The following HELB variants were observed in gnomAD, a reference collection of about 807,000 sequenced individuals.
HELB encodes the protein DNA helicase B.
Under a neutral mutation model 101.7 loss-of-function variants are expected in HELB, and 96 were observed. That is an observed-to-expected ratio of 0.94 (90% CI 0.80 to 1.12). The LOEUF is 1.12. Ranked by LOEUF, HELB falls within the 50% of genes most tolerant of loss-of-function variation. The pLI, the probability that HELB is intolerant of heterozygous loss-of-function variation, is 0.00. For missense variants in HELB, 1,210 were observed against 1,291.9 expected, an observed-to-expected ratio of 0.94 and a Z score of 0.97; for synonymous variants, 437 against 459.7, an observed-to-expected ratio of 0.95 and a Z score of 0.63.
intron 10 of HELB, 21 bp from the exon 11 acceptor site, chr12:66,324,962 A>G (rs1201514804): frequency 3.1e-6 from 5 of 1,611,674 alleles, no homozygotes; most frequent in Middle Eastern, 1.7e-4. Flanking sequence ...TATGCAAAAT[A>G]GTTCTTTGGT....
At chr12:66,318,561 G>A (rs2053635479) in intron 6 of HELB, 77 bp from the exon 7 acceptor site, 1 of 1,278,344 alleles carries the variant, frequency 7.8e-7, no homozygotes. Flanking sequence ...TTATTATAAG[G>A]ACATTAGCTC....
At chr12:66,342,488 C>G (rs2053925115), downstream of HELB, 1 of 151,946 alleles carries the variant, frequency 6.6e-6, no homozygotes, top group Non-Finnish European at 1.5e-5. Flanking sequence ...CATTCTCCTG[C>G]CTCAGCCTCC....
chr12:66,316,052 A>G (rs2053600925), intron 6 of HELB, among the ~76,000 whole-genome samples: 2 of 152,216 alleles, frequency 1.3e-5, no homozygotes, highest in South Asian at 2.1e-4. Flanking sequence ...TTATAAAACT[A>G]TAATTTTACT....
rs147255627 is a variant in HELB, at chr12:66,306,500, C to T, written c.763C>T (p.Leu255Phe). ...EEILGTHPWK[L>F]GFSKITYREW... is the part of the protein sequence containing the mutation. ...GATTTTAGGTACACATCCGTGGAAA[C>T]TTGGATTTAGTAAAGTAAGTAAAAC... The change falls in exon 3 of 13, where the codon CTT becomes TTT. Residue 255 changes from leucine to phenylalanine, a missense_variant. Coordinates refer to ENST00000247815, the MANE Select transcript of HELB (RefSeq NM_001370285.1). 153 of 1,575,264 alleles carry T rather than the reference C, an allele frequency of 9.7e-5. No individual in the cohort carries two copies. Among genetic ancestry groups the T allele is most frequent in the Non-Finnish European group, 4.3e-6 (5 of 1,162,606 alleles).
rs1167224802 is a variant in HELB at position 66,309,885 on chromosome 12, T to C, written c.957T>C (p.Thr319=). Residue 319 remains threonine, a synonymous_variant, in exon 4 of 13, where the codon ACT becomes ACC. Coordinates refer to ENST00000247815, the MANE Select transcript of HELB (RefSeq NM_001370285.1). ...CATATGTTGAAGTGAATGACTTAACTTTGACATTGTCAAATCATATGTCAT... is the reference window on the plus strand; with the variant it reads ...CATATGTTGAAGTGAATGACTTAACCTTGACATTGTCAAATCATATGTCAT... The part of the protein sequence containing the change: ...GHTYVEVNDL[T]LTLSNHMSFH... The C allele has an allele frequency of 6.2e-7, 1 of 1,614,150 alleles. No individual in the cohort carries two copies. The highest frequency in any genetic ancestry group is 8.5e-7 in the Non-Finnish European group (1 of 1,179,992).
chr12:66,331,693 A>C (rs754229298), intron 12 of HELB, 48 bp downstream of exon 12: 1 of 1,517,198 alleles, frequency 6.6e-7, no homozygotes, highest in Admixed American at 1.8e-5. Context: ...AATATCGCTA[A>C]CTTCGGTGTG....
At chr12:66,320,243 A>G (rs1037993370) in intron 7 of HELB, among the ~76,000 whole-genome samples, 16 of 152,160 alleles carry the variant, frequency 1.1e-4, no homozygotes, top group African/African-American at 3.6e-4. Context: ...AGTAAGAATT[A>G]ATGTTCCCTG....
chr12:66,316,953 A>C (rs2053613406), intron 6 of HELB, among the ~76,000 whole-genome samples: 1 of 147,898 alleles, frequency 6.8e-6, no homozygotes, highest in South Asian at 2.2e-4. Context: ...TGGAAGGCGG[A>C]GATTGCAGTG....
At chr12:66,326,010 T>TA (rs967532983) in intron 11 of HELB, among the ~76,000 whole-genome samples, 31 of 152,348 alleles carry the variant, frequency 2.0e-4, no homozygotes, top group African/African-American at 7.2e-4. Flanking sequence ...ACTAAGAAAT[T>TA]ACTATTGCTG....
chr12:66,331,781 T>A (rs2053812635), intron 12 of HELB, 136 bp downstream of exon 12: 1 of 882,576 alleles, frequency 1.1e-6, no homozygotes, highest in Non-Finnish European at 1.7e-6. Flanking sequence ...CTCATTTCTG[T>A]CAAATTTCCC....
At position 66,315,324 on chromosome 12, in the gene HELB, T is replaced by C; in HGVS notation, c.1941T>C (p.Ala647=). ...AGACTCTTAAGTCAAGAAATTGTGCTATTGAGCTAAAGACAAACCATAGAG... is the reference window on the plus strand; with the variant it reads ...AGACTCTTAAGTCAAGAAATTGTGCCATTGAGCTAAAGACAAACCATAGAG... The part of the protein sequence containing the change: ...LFETLKSRNC[A]IELKTNHRAE... The change falls in exon 6 of 13, where the codon GCT becomes GCC. Residue 647 remains alanine, a synonymous_variant. Transcript: ENST00000247815. The C allele has an allele frequency of 6.2e-7, 1 of 1,610,552 alleles. No individual in the cohort carries two copies.
intron 3 of HELB, among the ~76,000 whole-genome samples, chr12:66,306,975 A>G (rs1023792703): frequency 2.0e-5 from 3 of 152,120 alleles, no homozygotes; most frequent in African/African-American, 7.2e-5. Context: ...GTGTCATTTG[A>G]TTTTTATTTT....
In HELB at chr12:66,302,494, G is replaced by C; in HGVS notation, c.-110G>C. On this transcript the variant is annotated 5_prime_UTR_variant, in exon 1 of 13. Coordinates refer to ENST00000247815, the MANE Select transcript of HELB (RefSeq NM_001370285.1). Reference sequence around the variant, plus strand: ...GTTTTATGTACGCTGGCGGCCGCCAGGCCGTTCCCGGAAGTTGATGGCCTT... The same window carrying C: ...GTTTTATGTACGCTGGCGGCCGCCACGCCGTTCCCGGAAGTTGATGGCCTT... 3.9e-6 allele frequency: 4 copies of C among 1,021,998 alleles called. No individual in the cohort carries two copies. The highest frequency in any genetic ancestry group is 5.6e-6 in the Non-Finnish European group (4 of 714,896). The allele number at this position is 1,021,998 out of a possible 1,614,324, so 63.3% of individuals were successfully genotyped here. A position where few individuals can be genotyped will look rare whatever the true frequency, so the allele number is the denominator to read the frequency against.
downstream of HELB, chr12:66,338,326 A>T (rs2053888733): frequency 2.8e-6 from 1 of 360,834 alleles, no homozygotes; most frequent in Non-Finnish European, 5.0e-6. Flanking sequence ...GATATTTTAT[A>T]TACATATATA....
At chr12:66,319,963 A>G (rs1026846730) in intron 7 of HELB, among the ~76,000 whole-genome samples, 2 of 151,062 alleles carry the variant, frequency 1.3e-5, no homozygotes, top group African/African-American at 4.9e-5. Context: ...TATACTAGAT[A>G]CAATACAATA....
chr12:66,333,778 G>A (rs1341644128), intron 12 of HELB, among the ~76,000 whole-genome samples: 1 of 152,158 alleles, frequency 6.6e-6, no homozygotes, highest in Non-Finnish European at 1.5e-5. Context: ...AGATGGGCAG[G>A]GCCACGGGAA....
intron 6 of HELB, 89 bp downstream of exon 6, chr12:66,315,472 C>T (rs2053594330): frequency 1.2e-5 from 11 of 906,496 alleles, no homozygotes; most frequent in Non-Finnish European, 1.5e-5. Context: ...TAGTACAATA[C>T]ATTAACTACA....
chr12:66,304,673 C>T (rs879440869), intron 1 of HELB, 58 bp from the exon 2 acceptor site: 19 of 1,472,302 alleles, frequency 1.3e-5, no homozygotes, highest in Non-Finnish European at 1.6e-5. Flanking sequence ...TTTGAGGAAA[C>T]GGTTTCTAAA....
chr12:66,325,977 A>G (rs1592644327), intron 11 of HELB, among the ~76,000 whole-genome samples: 2 of 152,288 alleles, frequency 1.3e-5, no homozygotes, highest in East Asian at 3.9e-4. Flanking sequence ...TTAACATTTT[A>G]TAACTATGGC....
Sources: allele counts gnomAD v4.1 joint callset (sites outside exome capture counted in the v4.1 genomes callset), GRCh38; gene constraint gnomAD v4.1.1; transcripts MANE v1.5; gene names NCBI Gene and HGNC (gene_info 2026-07-23, HGNC 2026-07-21).